The following TYW1B variants were observed in gnomAD, a reference collection of about 807,000 sequenced individuals.
TYW1B encodes S-adenosyl-L-methionine-dependent tRNA 4-demethylwyosine synthase TYW1B.
In TYW1B, 73 loss-of-function variants were observed where a neutral mutation model predicts 86.9. The observed-to-expected ratio is 0.84, with a 90% CI of 0.70 to 1.02. The LOEUF (loss-of-function observed/expected upper bound fraction) is 1.02, where lower values mean the gene tolerates loss of function less well. TYW1B is among the 50% of genes least tolerant of loss of function. TYW1B has a pLI of 0.00. For missense variants in TYW1B, 637 were observed against 827.4 expected, an observed-to-expected ratio of 0.77 and a Z score of 2.82; for synonymous variants, 248 against 292.8, an observed-to-expected ratio of 0.85 and a Z score of 1.56.
At chr7:72,766,074 A>G (rs1482510543) in intron 7 of TYW1B, among the ~76,000 whole-genome samples, 1 of 152,238 alleles carries the variant, frequency 6.6e-6, no homozygotes, top group East Asian at 1.9e-4. Context: ...GTATCGATTC[A>G]TTAAATAAGA....
intron 7 of TYW1B, among the ~76,000 whole-genome samples, chr7:72,750,819 T>C (rs1312195443): frequency 6.6e-6 from 1 of 152,172 alleles, no homozygotes; most frequent in African/African-American, 2.4e-5. Flanking sequence ...ACTTACTGGT[T>C]GTGCATCTTT....
chr7:72,630,885 C>T (rs1812470468), intron 11 of TYW1B, among the ~76,000 whole-genome samples: 1 of 152,080 alleles, frequency 6.6e-6, no homozygotes, highest in Non-Finnish European at 1.5e-5. Flanking sequence ...CTCACTCATA[C>T]TTATATATGT....
intron 6 of TYW1B, among the ~76,000 whole-genome samples, chr7:72,787,886 G>A (rs1348132003): frequency 1.3e-5 from 2 of 152,214 alleles, no homozygotes; most frequent in East Asian, 1.9e-4. Context: ...CAGGAAAGGA[G>A]ATTAAAGCTA....
chr7:72,607,367 G>A (rs1811823944), intron 13 of TYW1B, among the ~76,000 whole-genome samples: 1 of 144,286 alleles, frequency 6.9e-6, no homozygotes, highest in African/African-American at 2.6e-5. Flanking sequence ...ATTCCAGCCT[G>A]GATGACAGAG....
At chr7:72,605,582 G>A (rs1473293960) in intron 13 of TYW1B, among the ~76,000 whole-genome samples, 1 of 152,088 alleles carries the variant, frequency 6.6e-6, no homozygotes, top group Non-Finnish European at 1.5e-5. Context: ...TCGAACTTCT[G>A]ACCTCATGAT....
At chr7:72,586,944 C>T (rs566519996) in intron 13 of TYW1B, among the ~76,000 whole-genome samples, 74 of 151,968 alleles carry the variant, frequency 4.9e-4, no homozygotes, top group Middle Eastern at 3.4e-3. Context: ...ATAGACAAAA[C>T]GGAATAAAAC....
chr7:72,819,095 T>A (rs1291975308), intron 2 of TYW1B, among the ~76,000 whole-genome samples: 2 of 151,940 alleles, frequency 1.3e-5, no homozygotes, highest in East Asian at 3.9e-4. Context: ...AACCATGAGG[T>A]TATCCCAGGC....
intron 11 of TYW1B, among the ~76,000 whole-genome samples, chr7:72,647,914 G>T (rs1356748274): frequency 1.3e-5 from 2 of 152,132 alleles, no homozygotes; most frequent in Admixed American, 1.3e-4. Context: ...TCGAACTCCT[G>T]ACCTCAAGTG....
intron 7 of TYW1B, among the ~76,000 whole-genome samples, chr7:72,772,052 T>A (rs1378867121): frequency 2.6e-5 from 4 of 151,880 alleles, no homozygotes; most frequent in African/African-American, 9.7e-5. Flanking sequence ...TTTCACCATG[T>A]TGGCCAGGCT....
chr7:72,667,031 CAAAA>C (rs60691255), intron 11 of TYW1B, among the ~76,000 whole-genome samples: 73 of 42,368 alleles, frequency 1.7e-3, no homozygotes, highest in Non-Finnish European at 2.5e-3. Context: ...GACTCCGTCT[CAAAA>C]AAAAAAAAAA....
At chr7:72,807,446 G>A in intron 4 of TYW1B, 90 bp from the exon 5 acceptor site, 1 of 1,508,522 alleles carries the variant, frequency 6.6e-7, no homozygotes, top group Non-Finnish European at 8.9e-7. Context: ...TCCTTCTGGG[G>A]CCCCTGGTCA....
At chr7:72,602,836 ACACACACAC>A (rs1811698182) in intron 13 of TYW1B, among the ~76,000 whole-genome samples, 1 of 9,376 alleles carries the variant, frequency 1.1e-4, no homozygotes, top group Non-Finnish European at 6.0e-4. Flanking sequence ...TGCTCAAAAC[ACACACACAC>A]ACACACACAC....
intron 11 of TYW1B, among the ~76,000 whole-genome samples, chr7:72,677,314 A>ATT (rs536089405): frequency 0.014 from 2,022 of 143,722 alleles, 41 homozygotes; most frequent in African/African-American, 0.046. Context: ...CACCTGGTTG[A>ATT]TTTTTTTTTT....
At chr7:72,632,412 CAT>C (rs1224127244) in intron 11 of TYW1B, among the ~76,000 whole-genome samples, 2,098 of 80,728 alleles carry the variant, frequency 0.026, 172 homozygotes, top group African/African-American at 0.13. Context: ...TATATATATA[CAT>C]ATATATATAA....
chr7:72,646,560 G>T (rs1812936559), intron 11 of TYW1B, among the ~76,000 whole-genome samples: 1 of 151,904 alleles, frequency 6.6e-6, no homozygotes. Context: ...TTTCTGTAGA[G>T]ACGAGGTTTT....
chr7:72,758,340 AAAACAAAC>A (rs561806628), intron 7 of TYW1B, among the ~76,000 whole-genome samples: 1 of 152,142 alleles, frequency 6.6e-6, no homozygotes, highest in Non-Finnish European at 1.5e-5. Context: ...TGTCTCTTAA[AAAACAAAC>A]AAACAAACAA....
At chr7:72,650,079 T>TTTTTTTGGTA (rs1252088825) in intron 11 of TYW1B, among the ~76,000 whole-genome samples, 4 of 150,794 alleles carry the variant, frequency 2.7e-5, no homozygotes, top group African/African-American at 7.3e-5. Flanking sequence ...GTTTTTTTTT[T>TTTTTTTGGTA]TTTTTTTGGT....
At chr7:72,629,465 T>G (rs1451372441) in intron 11 of TYW1B, among the ~76,000 whole-genome samples, 1 of 152,234 alleles carries the variant, frequency 6.6e-6, no homozygotes, top group Admixed American at 6.5e-5. Flanking sequence ...CATTTCTTGC[T>G]GGCAGAAAAG....
At chr7:72,609,558 T>C (rs1245663297) in intron 13 of TYW1B, among the ~76,000 whole-genome samples, 5 of 149,238 alleles carry the variant, frequency 3.4e-5, no homozygotes, top group Non-Finnish European at 7.4e-5. Flanking sequence ...GATGAGACCC[T>C]GTCTCCAAAA....
Sources: allele counts gnomAD v4.1 joint callset (sites outside exome capture counted in the v4.1 genomes callset), GRCh38; gene constraint gnomAD v4.1.1; transcripts MANE v1.5; gene names NCBI Gene and HGNC (gene_info 2026-07-23, HGNC 2026-07-21).